GRID2IP: variants seen among roughly 807,000 people sequenced by gnomAD.
GRID2IP encodes Grid2 interacting protein, also known as delphilin.
In GRID2IP, 78 loss-of-function variants were observed where a neutral mutation model predicts 114.3. The ratio of observed to expected loss-of-function variants is 0.68; its 90% CI spans 0.57 to 0.82. The LOEUF (loss-of-function observed/expected upper bound fraction) is 0.82, where lower values mean the gene tolerates loss of function less well. GRID2IP is among the 40% of genes least tolerant of loss of function. The probability of loss-of-function intolerance (pLI) is 0.00; values close to 1 mark genes in which losing one functional copy is unlikely to be tolerated. For missense variants in GRID2IP, 1,727 were observed against 1,678.5 expected (o/e 1.03, Z -0.51); for synonymous variants, 809 against 724.0 (o/e 1.12, Z -1.89).
rs1583332154 is a variant in GRID2IP at position 6,503,057 on chromosome 7, T to A, written c.3014A>T (p.Gln1005Leu). 6.4e-7 allele frequency: 1 copy of A among 1,551,468 alleles called. No homozygotes were observed. Among genetic ancestry groups the A allele is most frequent in the Non-Finnish European group, 8.7e-7 (1 of 1,146,976 alleles). ...EIRGSLECLR[Q>L]ASLELKNSRK... ...ACTGTTTTTGAGCTCCAGGGAGGCCTGGCGCAAGCATTCAAGGCTGCCTCG... is the reference window on the plus strand; with the variant it reads ...ACTGTTTTTGAGCTCCAGGGAGGCCAGGCGCAAGCATTCAAGGCTGCCTCG... Residue 1005 changes from glutamine to leucine, a missense_variant, in exon 17 of 22, where the codon CAG (glutamine) becomes CTG (leucine). By Grantham distance (113) the Gln-to-Leu change is moderately radical. Coordinates refer to ENST00000457091, the MANE Select transcript of GRID2IP (RefSeq NM_001145118.2).
chr7:6,505,905 G>A lies in GRID2IP; in HGVS notation c.2547C>T (p.Leu849=), dbSNP rs1448707834. 25 of 1,549,740 alleles carry A rather than the reference G, an allele frequency of 1.6e-5. No homozygotes were observed. The highest frequency in any genetic ancestry group is 7.8e-5 in the Admixed American group (4 of 50,980). Residue 849 remains leucine (L), a splice_region_variant and synonymous_variant, in exon 14 of 22, where the codon CTC becomes CTT. Transcript: ENST00000457091. Reference sequence around the variant, plus strand: ...GCTTATCGTAGTCAGAGTCTTCCCCGAGCTGCGAGGGAGGATGGGAGGTTC... The same window carrying A: ...GCTTATCGTAGTCAGAGTCTTCCCCAAGCTGCGAGGGAGGATGGGAGGTTC... ...ENSEGTIWGQ[L]GEDSDYDKLS... is the part of the protein sequence containing the mutation.
At chr7:6,503,873 C>G (rs540059977) in intron 15 of GRID2IP, among the ~76,000 whole-genome samples, 186 bp from the exon 16 acceptor site, 2 of 151,268 alleles carry the variant, frequency 1.3e-5, no homozygotes, top group South Asian at 4.2e-4. Context: ...GCTGAGGCGG[C>G]TCCCGAATGG....
chr7:6,526,170 C>G lies in GRID2IP; in HGVS notation c.919+54G>C. 7.0e-7 allele frequency: 1 copy of G among 1,438,336 alleles called. No homozygotes were observed. Among genetic ancestry groups the G allele is most frequent in the Non-Finnish European group, 9.6e-7 (1 of 1,044,714 alleles). The allele number at this position is 1,438,336 out of a possible 1,614,324, so 89.1% of individuals were successfully genotyped here. On this transcript the variant is annotated intron_variant, in intron 4 of 21. Transcript: ENST00000457091. The surrounding 1 kb of genome is among the most constrained non-coding windows in gnomAD (Gnocchi z 7.6). Reference sequence around the variant, plus strand: ...GACCCGGCAGAGCCACCACGGGGCCCTTCACCCCATCCTGGGCCTTAGGGA... The same window carrying G: ...GACCCGGCAGAGCCACCACGGGGCCGTTCACCCCATCCTGGGCCTTAGGGA...
chr7:6,513,770 G>A (rs1779229955), intron 8 of GRID2IP, among the ~76,000 whole-genome samples: 1 of 152,130 alleles, frequency 6.6e-6, no homozygotes, highest in Non-Finnish European at 1.5e-5. Flanking sequence ...TGTGGGAGGG[G>A]CCCAAATCGG....
chr7:6,523,500 G>T lies in GRID2IP; in HGVS notation c.920-1543C>A, dbSNP rs1300783172. The stretch of plus-strand genomic sequence containing the variant: ...AAGCTTCCATCTAAGCATCCATTTG[G>T]CTTCCTATGACAGGAAAGGCATGGG... On this transcript the variant is annotated intron_variant, in intron 4 of 21. Coordinates refer to ENST00000457091, the MANE Select transcript of GRID2IP (RefSeq NM_001145118.2). The surrounding 1 kb of genome is among the most constrained non-coding windows in gnomAD (Gnocchi z 4.5). Among the ~76,000 whole-genome samples, 1 of 152,116 alleles carries T rather than the reference G, an allele frequency of 6.6e-6. No homozygotes were observed. Among genetic ancestry groups the T allele is most frequent in the Non-Finnish European group, 1.5e-5 (1 of 68,032 alleles).
intron 1 of GRID2IP, among the ~76,000 whole-genome samples, chr7:6,545,113 A>C (rs1183373030): frequency 6.6e-6 from 1 of 151,534 alleles, no homozygotes; most frequent in Non-Finnish European, 1.5e-5. Context: ...AGAAAAGAAA[A>C]AGTAAAAAGT....
At chr7:6,533,901 C>T (rs1583350480) in intron 2 of GRID2IP, among the ~76,000 whole-genome samples, 1 of 152,230 alleles carries the variant, frequency 6.6e-6, no homozygotes, top group East Asian at 1.9e-4. Flanking sequence ...CCTCCCACCT[C>T]AGCCTCCTAA....
rs1230488690 is a variant in GRID2IP at position 6,504,248 on chromosome 7, G to A, written c.2710+545C>T. Reference sequence around the variant, plus strand: ...CCTGGCGGGTAGGAGCAAGGAAACTGAGCGGGGCTGCTGGTTGAGTTCGAG... The same window carrying A: ...CCTGGCGGGTAGGAGCAAGGAAACTAAGCGGGGCTGCTGGTTGAGTTCGAG... On this transcript the variant is annotated intron_variant, in intron 15 of 21. Coordinates refer to ENST00000457091, the MANE Select transcript of GRID2IP (RefSeq NM_001145118.2). Among the ~76,000 whole-genome samples, 3 of 150,556 alleles carry A rather than the reference G, an allele frequency of 2.0e-5. No individual in the cohort carries two copies. In the East Asian group the frequency reaches 5.9e-4, roughly 30 times the overall value.
chr7:6,522,804 AAT>A (rs1491585447), intron 4 of GRID2IP, among the ~76,000 whole-genome samples: 4 of 64,016 alleles, frequency 6.2e-5, no homozygotes, highest in South Asian at 4.3e-4. Flanking sequence ...ATGCCTGGCT[AAT>A]ATGTGTGTGT....
Position 6,498,133 on chromosome 7 carries a change from C to T in GRID2IP, c.3495G>A (p.Gly1165=), listed in dbSNP as rs1355155197. The T allele has an allele frequency of 2.4e-5, 37 of 1,551,584 alleles. 1 individual carries two copies. The highest frequency in any genetic ancestry group is 2.6e-5 in the Non-Finnish European group (30 of 1,146,960). ...CAGAGGTGGTGGCCTTGGAATCCTCCCCAAAGAAGGCCAGCGCCTTGCCCA... is the reference window on the plus strand; with the variant it reads ...CAGAGGTGGTGGCCTTGGAATCCTCTCCAAAGAAGGCCAGCGCCTTGCCCA... ...EELGKALAFF[G]EDSKATTSEA... The change falls in exon 21 of 22, where the codon GGG becomes GGA. Residue 1165 remains glycine (G), a synonymous_variant. Transcript: ENST00000457091.
In GRID2IP at chr7:6,509,375, C is replaced by A; in HGVS notation, c.1772-62G>T. On this transcript the variant is annotated intron_variant, in intron 11 of 21. Transcript: ENST00000457091. The surrounding 1 kb of genome is among the most constrained non-coding windows in gnomAD (Gnocchi z 4.9). ...CCAGCACCGAGGTTCCAGGTGCAAGCTGGAGAGAGGGTCCTAGGACAGACT... is the reference window on the plus strand; with the variant it reads ...CCAGCACCGAGGTTCCAGGTGCAAGATGGAGAGAGGGTCCTAGGACAGACT... The A allele has an allele frequency of 7.1e-7, 1 of 1,408,324 alleles. No homozygotes were observed. Among genetic ancestry groups the A allele is most frequent in the Non-Finnish European group, 9.4e-7 (1 of 1,059,658 alleles). 87.2% of individuals were successfully genotyped at this position (1,408,324 alleles called of 1,614,324 possible).
chr7:6,513,761 G>A (rs867938526), intron 8 of GRID2IP, among the ~76,000 whole-genome samples: 1 of 152,184 alleles, frequency 6.6e-6, no homozygotes, highest in African/African-American at 2.4e-5. Context: ...ACACTTCTAT[G>A]TGGGAGGGGC....
At position 6,523,276 on chromosome 7, in the gene GRID2IP, A is replaced by C. The variant is rs1192340437; in HGVS notation, c.920-1319T>G. The stretch of plus-strand genomic sequence containing the variant: ...GGGAAGACTTCCCGGGAGAGGCGAG[A>C]TGGGGGAAGTCCTTTCCCTGGACCA... On this transcript the variant is annotated intron_variant, in intron 4 of 21. Coordinates refer to ENST00000457091, the MANE Select transcript of GRID2IP (RefSeq NM_001145118.2). This position sits in a 1 kb window ranked among gnomAD's most constrained non-coding sequence, Gnocchi z 4.5. Among the ~76,000 whole-genome samples, 1 of 152,118 alleles carries C rather than the reference A, an allele frequency of 6.6e-6. No individual in the cohort carries two copies. The highest frequency in any genetic ancestry group is 2.4e-5 in the African/African-American group (1 of 41,434).
At chr7:6,525,369 C>T (rs1779489436) in intron 4 of GRID2IP, among the ~76,000 whole-genome samples, 2 of 152,028 alleles carry the variant, frequency 1.3e-5, no homozygotes, top group Admixed American at 1.3e-4. Context: ...CGCCTGTACT[C>T]CCAGCGCTTT....
At position 6,509,357 on chromosome 7, in the gene GRID2IP, C is replaced by T. The variant is rs762602722; in HGVS notation, c.1772-44G>A. 66 of 1,449,752 alleles carry T rather than the reference C, an allele frequency of 4.6e-5. No individual in the cohort carries two copies. Among genetic ancestry groups the T allele is most frequent in the Non-Finnish European group, 3.4e-5 (37 of 1,096,434 alleles). The allele number at this position is 1,449,752 out of a possible 1,614,324, so 89.8% of individuals were successfully genotyped here. ...ATGAGGATTCCTCTTCAGCCAGCAC[C>T]GAGGTTCCAGGTGCAAGCTGGAGAG... On this transcript the variant is annotated intron_variant, in intron 11 of 21. Transcript: ENST00000457091. The surrounding 1 kb of genome is among the most constrained non-coding windows in gnomAD (Gnocchi z 4.9).
chr7:6,523,228 C>A lies in GRID2IP; in HGVS notation c.920-1271G>T, dbSNP rs766868083. ...TCTCTCTGGGGGAAGTGGAAACTGT[C>A]CAGAGAAGAGAGGGAACAATTAGGG... On this transcript the variant is annotated intron_variant, in intron 4 of 21. Coordinates refer to ENST00000457091, the MANE Select transcript of GRID2IP (RefSeq NM_001145118.2). The surrounding 1 kb of genome is among the most constrained non-coding windows in gnomAD (Gnocchi z 4.5). 1.3e-5 allele frequency among the ~76,000 whole-genome samples: 2 copies of A among 152,092 alleles called. No individual in the cohort carries two copies. The highest frequency in any genetic ancestry group is 2.9e-5 in the Non-Finnish European group (2 of 68,020).
chr7:6,503,331 CCCCT>C (rs1343166177), intron 16 of GRID2IP, among the ~76,000 whole-genome samples, 156 bp downstream of exon 16: 1 of 152,236 alleles, frequency 6.6e-6, no homozygotes, highest in African/African-American at 2.4e-5. Flanking sequence ...GTACCTTGGA[CCCCT>C]GATAGGACCC....
chr7:6,525,785 C>A (rs1779498524), intron 4 of GRID2IP, among the ~76,000 whole-genome samples: 1 of 152,160 alleles, frequency 6.6e-6, no homozygotes, highest in Non-Finnish European at 1.5e-5. Flanking sequence ...GTCTGGCCTG[C>A]CAGGCAAGAA....
At chr7:6,517,859 T>C (rs1465484925) in intron 7 of GRID2IP, among the ~76,000 whole-genome samples, 1 of 151,860 alleles carries the variant, frequency 6.6e-6, no homozygotes. Context: ...GCCAAGATCA[T>C]GCCACTGAAC....
Sources: allele counts gnomAD v4.1 joint callset (sites outside exome capture counted in the v4.1 genomes callset), GRCh38; gene constraint gnomAD v4.1.1; non-coding constraint Gnocchi (gnomAD v3.1); transcripts MANE v1.5; gene names NCBI Gene and HGNC (gene_info 2026-07-23, HGNC 2026-07-21).